The following SCFD2 variants were observed in gnomAD, a reference collection of about 807,000 sequenced individuals.
The protein encoded by SCFD2 is sec1 family domain-containing protein 2.
SCFD2 carries 54 observed loss-of-function variants against 58.9 expected under a neutral mutation model. The ratio of observed to expected loss-of-function variants is 0.92; its 90% CI spans 0.74 to 1.15. The LOEUF is 1.15. SCFD2 is among the 50% of genes most tolerant of loss of function. SCFD2 has a pLI of 0.00. For missense variants in SCFD2, 805 were observed against 836.6 expected (o/e 0.96, Z 0.47); for synonymous variants, 321 against 335.9 (o/e 0.96, Z 0.49).
At chr4:53,089,006 A>C (rs1724395128) in intron 5 of SCFD2, among the ~76,000 whole-genome samples, 1 of 152,120 alleles carries the variant, frequency 6.6e-6, no homozygotes. Context: ...TAGCACCCCT[A>C]CTTCTTCTAT....
At chr4:53,091,386 T>C (rs1321507095) in intron 5 of SCFD2, among the ~76,000 whole-genome samples, 4 of 151,516 alleles carry the variant, frequency 2.6e-5, no homozygotes, top group African/African-American at 9.7e-5. Context: ...AAAAGAACTC[T>C]GGCAACTCTG....
Position 52,874,075 on chromosome 4 carries a change from A to G in SCFD2, c.1963-14T>C. 1 of 1,583,180 alleles carries G rather than the reference A, an allele frequency of 6.3e-7. No individual in the cohort carries two copies. On this transcript the variant is annotated splice_polypyrimidine_tract_variant and intron_variant, in intron 8 of 8. Coordinates refer to ENST00000401642, the MANE Select transcript of SCFD2 (RefSeq NM_152540.4). ...CAGCACGATTACCTAACAACAGGAG[A>G]GGGCAAACACACCGCAGGGAATTAG...
intron 5 of SCFD2, chr4:52,957,213 C>T (rs1292399713): frequency 1.3e-5 from 2 of 152,194 alleles, no homozygotes; most frequent in Non-Finnish European, 2.9e-5. Context: ...CTGAGCCCTG[C>T]AGAGCTGTTC....
At chr4:53,254,064 G>C in intron 4 of SCFD2, among the ~76,000 whole-genome samples, 1 of 152,050 alleles carries the variant, frequency 6.6e-6, no homozygotes. Context: ...GACAAATAGA[G>C]GGGAACAACA....
At chr4:52,909,521 T>G (rs187610105) in intron 6 of SCFD2, among the ~76,000 whole-genome samples, 1 of 152,204 alleles carries the variant, frequency 6.6e-6, no homozygotes, top group East Asian at 1.9e-4. Flanking sequence ...TAAGCTCCGG[T>G]GTGAAACATA....
chr4:53,241,956 C>T (rs974319735), intron 4 of SCFD2, among the ~76,000 whole-genome samples: 2 of 152,186 alleles, frequency 1.3e-5, no homozygotes, highest in Non-Finnish European at 2.9e-5. Flanking sequence ...AGTCCTATGC[C>T]CACCAGTACC....
chr4:53,025,015 A>T (rs1389035855), intron 5 of SCFD2, among the ~76,000 whole-genome samples: 1 of 152,204 alleles, frequency 6.6e-6, no homozygotes, highest in Non-Finnish European at 1.5e-5. Context: ...TAAACAGGGC[A>T]CATGTGATTA....
At chr4:53,234,479 A>T (rs1017533535) in intron 4 of SCFD2, among the ~76,000 whole-genome samples, 1 of 152,194 alleles carries the variant, frequency 6.6e-6, no homozygotes, top group African/African-American at 2.4e-5. Flanking sequence ...GGACTGGAGG[A>T]CAGAGGTTTT....
intron 5 of SCFD2, among the ~76,000 whole-genome samples, chr4:53,037,410 G>A (rs1214790997): frequency 1.3e-5 from 2 of 152,058 alleles, no homozygotes; most frequent in Non-Finnish European, 2.9e-5. Flanking sequence ...ATAATGTATG[G>A]AGTTTTTAAA....
At chr4:53,130,222 A>T (rs1322266168) in intron 5 of SCFD2, among the ~76,000 whole-genome samples, 2 of 152,214 alleles carry the variant, frequency 1.3e-5, no homozygotes, top group Non-Finnish European at 2.9e-5. Flanking sequence ...ACATAAAGAG[A>T]GATGTTTTTA....
At chr4:53,118,527 A>G (rs1560343970) in intron 5 of SCFD2, among the ~76,000 whole-genome samples, 1 of 152,200 alleles carries the variant, frequency 6.6e-6, no homozygotes, top group Non-Finnish European at 1.5e-5. Flanking sequence ...CATAATTGCA[A>G]TAAGTAGAAT....
At chr4:53,083,368 C>A (rs1356666900) in intron 5 of SCFD2, among the ~76,000 whole-genome samples, 1 of 151,940 alleles carries the variant, frequency 6.6e-6, no homozygotes, top group Non-Finnish European at 1.5e-5. Context: ...GGAGGAAAAA[C>A]ATTTAAAGGA....
intron 5 of SCFD2, among the ~76,000 whole-genome samples, chr4:53,010,208 CA>C (rs1722064699): frequency 6.6e-6 from 1 of 152,156 alleles, no homozygotes; most frequent in Admixed American, 6.5e-5. Context: ...AAAACATATT[CA>C]ACACATTTCT....
chr4:53,237,883 G>A (rs555957926), intron 4 of SCFD2, among the ~76,000 whole-genome samples: 4 of 48,390 alleles, frequency 8.3e-5, no homozygotes, highest in African/African-American at 1.8e-4. Context: ...CCTCCCTGAC[G>A]GGGCGGCTGG....
chr4:53,080,761 A>G (rs139643513), intron 5 of SCFD2, among the ~76,000 whole-genome samples: 89 of 152,334 alleles, frequency 5.8e-4, no homozygotes, highest in African/African-American at 2.1e-3. Flanking sequence ...CAAAACCTCA[A>G]AATAAACATA....
chr4:52,969,084 G>A (rs140471915), intron 5 of SCFD2, among the ~76,000 whole-genome samples: 485 of 152,288 alleles, frequency 3.2e-3, no homozygotes, highest in Non-Finnish European at 5.7e-3. Context: ...TCTTTGGCAA[G>A]AATCCTGTTA....
chr4:52,999,703 C>T (rs966328125), intron 5 of SCFD2, among the ~76,000 whole-genome samples: 29 of 152,214 alleles, frequency 1.9e-4, no homozygotes, highest in African/African-American at 6.0e-4. Flanking sequence ...ATGAGCTTTA[C>T]ACTTTTTGCC....
intron 4 of SCFD2, among the ~76,000 whole-genome samples, chr4:53,154,037 C>T (rs1986648): frequency 0.38 from 58,422 of 151,980 alleles, 11,800 homozygotes; most frequent in South Asian, 0.54. Context: ...CTCCAAACTT[C>T]CCCTCATCTT....
In SCFD2 at chr4:52,885,041, C is replaced by T. The variant is rs558945263; in HGVS notation, c.1962+706G>A. Among the ~76,000 whole-genome samples the T allele has an allele frequency of 8.9e-4, 136 of 152,142 alleles. 1 individual carries two copies. The highest frequency in any genetic ancestry group is 1.7e-3 in the Non-Finnish European group (113 of 68,036). The stretch of plus-strand genomic sequence containing the variant: ...GCAGAGGCAGGATTGGAACTTGGGC[C>T]CATAAAATAGAAACGTCTATGTTCT... On this transcript the variant is annotated intron_variant, in intron 8 of 8. Coordinates refer to ENST00000401642, the MANE Select transcript of SCFD2 (RefSeq NM_152540.4).
Sources: gnomAD v4.1 joint callset for allele counts (sites outside exome capture counted in the v4.1 genomes callset) on GRCh38, gnomAD v4.1.1 for gene constraint, MANE v1.5 for transcripts, NCBI Gene and HGNC (gene_info 2026-07-23, HGNC 2026-07-21) for gene names.